The following CDH4 variants were observed in gnomAD, a reference collection of about 807,000 sequenced individuals.
CDH4 encodes cadherin 4.
A neutral mutation model predicts 86.0 loss-of-function variants in CDH4; 33 were observed. The observed-to-expected ratio is 0.38, with a 90% confidence interval of 0.29 to 0.51. The LOEUF (loss-of-function observed/expected upper bound fraction) is 0.51. Ranked by LOEUF, CDH4 falls within the 20% of genes least tolerant of loss-of-function variation. The pLI is 0.86. For synonymous variants in CDH4, 555 were observed against 549.4 expected (o/e 1.01, Z -0.14); for missense variants, 1,114 against 1,307.4 (o/e 0.85, Z 2.28).
rs111877477 is a variant in CDH4, at chr20:61,308,135, G to C, written c.169+53198G>C. On this transcript the variant is annotated intron_variant, in intron 2 of 15. Transcript: ENST00000614565. ...TCAGGGCTGAACCTCACTGCCCAGG[G>C]GGCGGGGGCATGCAAATATTCCTTT... Among the ~76,000 whole-genome samples, 1,134 of 152,348 alleles carry C rather than the reference G, an allele frequency of 7.4e-3. 10 individuals carry two copies. The highest frequency in any genetic ancestry group is 0.026 in the African/African-American group (1,069 of 41,580).
chr20:61,316,923 C>A (rs549713728), intron 2 of CDH4, among the ~76,000 whole-genome samples: 1 of 151,720 alleles, frequency 6.6e-6, no homozygotes, highest in East Asian at 1.9e-4. Flanking sequence ...CCCTCAGGTG[C>A]GTGCAGCCTC....
intron 2 of CDH4, among the ~76,000 whole-genome samples, chr20:61,667,951 C>T (rs1345332579): frequency 6.6e-6 from 1 of 152,204 alleles, no homozygotes; most frequent in Non-Finnish European, 1.5e-5. Context: ...GGAGGGCAGC[C>T]AGGGAGATGA....
chr20:61,713,315 T>TC (rs575205135), intron 2 of CDH4, among the ~76,000 whole-genome samples: 15 of 152,002 alleles, frequency 9.9e-5, no homozygotes, highest in Admixed American at 2.6e-4. Flanking sequence ...GTGTCTCCAC[T>TC]CCCCCCCAGA....
rs117441719 is a variant in CDH4, at chr20:61,516,760, C to T, written c.170-226803C>T. Reference sequence around the variant, plus strand: ...GCAGGCACTAAAAATAACCAGGCTCCGTTCCCAGGTCAGTGAGTGTCGGTT... The same window carrying T: ...GCAGGCACTAAAAATAACCAGGCTCTGTTCCCAGGTCAGTGAGTGTCGGTT... On this transcript the variant is annotated intron_variant, in intron 2 of 15. Coordinates refer to ENST00000614565, the MANE Select transcript of CDH4 (RefSeq NM_001794.5). This position sits in a 1 kb window ranked among gnomAD's most constrained non-coding sequence, Gnocchi z 4.0. Among the ~76,000 whole-genome samples the T allele has an allele frequency of 7.5e-4, 114 of 152,294 alleles. No individual in the cohort carries two copies. In the Middle Eastern group the frequency reaches 0.017, roughly 23 times the overall value.
At position 61,719,184 on chromosome 20, in the gene CDH4, T is replaced by C. The variant is rs543003776; in HGVS notation, c.170-24379T>C. On this transcript the variant is annotated intron_variant, in intron 2 of 15. Coordinates refer to ENST00000614565, the MANE Select transcript of CDH4 (RefSeq NM_001794.5). ...AATTGTCAGCATCCATGGGTTCTAA[T>C]CAGAGATTTTTTTTTTTAAGTCTTG... is the stretch of plus-strand genomic sequence containing the variant. 39 of 433,320 alleles carry C rather than the reference T, an allele frequency of 9.0e-5. 1 individual carries two copies. Among genetic ancestry groups the C allele is most frequent in the South Asian group, 6.4e-4 (39 of 61,042 alleles). The allele number at this position is 433,320 out of a possible 1,614,324, so 26.8% of individuals were successfully genotyped here.
rs1404899549 is a variant in CDH4 at position 61,565,349 on chromosome 20, T to TCGG, written c.170-178214_170-178213insCGG. ...CTTGGTGATGGTGGTAGTGGTCCTC[T>TCGG]TGGTGATGGGGTGATGGTGGTGGTG... On this transcript the variant is annotated intron_variant, in intron 2 of 15. Coordinates refer to ENST00000614565, the MANE Select transcript of CDH4 (RefSeq NM_001794.5). 3.8e-4 allele frequency among the ~76,000 whole-genome samples: 18 copies of TCGG among 47,270 alleles called. 2 individuals carry two copies. Among genetic ancestry groups the TCGG allele is most frequent in the Admixed American group, 1.1e-3 (5 of 4,350 alleles). The allele number at this position is 47,270 out of a possible 152,430, so 31.0% of individuals were successfully genotyped here. A position where few individuals can be genotyped will look rare whatever the true frequency, so the allele number is the denominator to read the frequency against.
At chr20:61,667,263 C>T (rs923606918) in intron 2 of CDH4, among the ~76,000 whole-genome samples, 1 of 152,216 alleles carries the variant, frequency 6.6e-6, no homozygotes, top group Admixed American at 6.5e-5. Context: ...AAACAGTCGG[C>T]CGGGATGGCC....
At chr20:61,885,271 A>T (rs1407472737) in intron 7 of CDH4, among the ~76,000 whole-genome samples, 2 of 151,746 alleles carry the variant, frequency 1.3e-5, no homozygotes, top group African/African-American at 2.4e-5. Flanking sequence ...CTCTTCCATC[A>T]CCCCAGAACC....
intron 2 of CDH4, among the ~76,000 whole-genome samples, chr20:61,557,853 G>A (rs368602733): frequency 2.0e-5 from 3 of 151,248 alleles, no homozygotes; most frequent in East Asian, 2.0e-4. Context: ...ATGACGCGGC[G>A]CTGGATTTTA....
At chr20:61,634,804 ACTT>A (rs2086930299) in intron 2 of CDH4, among the ~76,000 whole-genome samples, 1 of 151,940 alleles carries the variant, frequency 6.6e-6, no homozygotes, top group South Asian at 2.1e-4. Flanking sequence ...TTAAACACAA[ACTT>A]CCCACTTCCC....
At chr20:61,869,276 C>T (rs546336357) in intron 6 of CDH4, among the ~76,000 whole-genome samples, 8 of 152,290 alleles carry the variant, frequency 5.3e-5, no homozygotes, top group East Asian at 3.9e-4. Context: ...AGCAAACCAC[C>T]GGCCAAACAC....
At chr20:61,673,596 G>A (rs776689354) in intron 2 of CDH4, among the ~76,000 whole-genome samples, 57 of 152,314 alleles carry the variant, frequency 3.7e-4, no homozygotes, top group East Asian at 3.9e-4. Flanking sequence ...CGTGTCCAGG[G>A]CCCAGAAGGC....
intron 2 of CDH4, among the ~76,000 whole-genome samples, chr20:61,526,265 C>T (rs1292793722): frequency 6.6e-6 from 1 of 152,072 alleles, no homozygotes; most frequent in African/African-American, 2.4e-5. Context: ...CACGACCCGC[C>T]TGGCCTCTGT....
intron 2 of CDH4, among the ~76,000 whole-genome samples, chr20:61,539,902 G>C (rs911195198): frequency 1.3e-5 from 2 of 152,154 alleles, no homozygotes; most frequent in Non-Finnish European, 2.9e-5. Context: ...GGATTTGAAA[G>C]AGAGTGTTTG....
chr20:61,476,966 C>T (rs2085539916), intron 2 of CDH4, among the ~76,000 whole-genome samples: 1 of 152,156 alleles, frequency 6.6e-6, no homozygotes, highest in East Asian at 1.9e-4. Context: ...CCACAGAAGC[C>T]CCGGGAGAGA....
chr20:61,735,670 C>T (rs2088254312), intron 2 of CDH4, among the ~76,000 whole-genome samples: 1 of 152,214 alleles, frequency 6.6e-6, no homozygotes, highest in African/African-American at 2.4e-5. Flanking sequence ...TGATGGTGCC[C>T]AGGGTTGGGG....
At chr20:61,858,497 G>A (rs1412100379) in intron 6 of CDH4, among the ~76,000 whole-genome samples, 1 of 151,170 alleles carries the variant, frequency 6.6e-6, no homozygotes, top group South Asian at 2.1e-4. Context: ...GTCTGTATGT[G>A]TGTGTCTGTG....
chr20:61,920,875 T>C (rs2054972757), intron 9 of CDH4, among the ~76,000 whole-genome samples: 2 of 141,574 alleles, frequency 1.4e-5, no homozygotes, highest in Admixed American at 7.3e-5. Context: ...AGTAATTGCA[T>C]GGAAGTGTGG....
chr20:61,298,725 G>T (rs62198818), intron 2 of CDH4, among the ~76,000 whole-genome samples: 92 of 146,074 alleles, frequency 6.3e-4, no homozygotes, highest in African/African-American at 1.4e-3. Flanking sequence ...AAAAGAAAAA[G>T]AAAAATAAAC....
Sources: gnomAD v4.1 joint callset for allele counts (sites outside exome capture counted in the v4.1 genomes callset) on GRCh38, gnomAD v4.1.1 for gene constraint, Gnocchi (gnomAD v3.1) non-coding constraint, MANE v1.5 for transcripts, NCBI Gene and HGNC (gene_info 2026-07-23, HGNC 2026-07-21) for gene names.